RNF157: variants seen among roughly 807,000 people sequenced by gnomAD.
RNF157 encodes E3 ubiquitin ligase RNF157.
A neutral mutation model predicts 88.3 loss-of-function variants in RNF157; 55 were observed. That is an observed-to-expected ratio of 0.62 (90% confidence interval 0.50 to 0.78). The LOEUF (loss-of-function observed/expected upper bound fraction) is 0.78. Ranked by LOEUF, RNF157 falls within the 30% of genes least tolerant of loss-of-function variation. The pLI, the probability that RNF157 is intolerant of heterozygous loss-of-function variation, is 0.00. For synonymous variants in RNF157, 334 were observed against 341.2 expected, an observed-to-expected ratio of 0.98 and a Z score of 0.23; for missense variants, 788 against 860.8, an observed-to-expected ratio of 0.92 and a Z score of 1.06.
chr17:76,149,981 C>T (rs1048086652), intron 18 of RNF157, among the ~76,000 whole-genome samples: 5 of 151,814 alleles, frequency 3.3e-5, no homozygotes, highest in Admixed American at 6.6e-5. Context: ...TGCAGTGAGC[C>T]GAGATCGCGC....
At chr17:76,231,937 G>A (rs895101796) in intron 1 of RNF157, among the ~76,000 whole-genome samples, 2 of 152,122 alleles carry the variant, frequency 1.3e-5, no homozygotes, top group South Asian at 4.1e-4. Flanking sequence ...ACACTATTCT[G>A]CTTTCTATCT....
At chr17:76,154,933 C>T (rs1328916813) in intron 16 of RNF157, among the ~76,000 whole-genome samples, 1 of 152,196 alleles carries the variant, frequency 6.6e-6, no homozygotes, top group Non-Finnish European at 1.5e-5. Flanking sequence ...ACCTGTGACA[C>T]AGTCCTCCAT....
At chr17:76,187,760 AT>A (rs1448653119) in intron 2 of RNF157, among the ~76,000 whole-genome samples, 3 of 151,770 alleles carry the variant, frequency 2.0e-5, no homozygotes, top group Non-Finnish European at 4.4e-5. Flanking sequence ...CATCCAGCTA[AT>A]TTGTTTTGTA....
chr17:76,222,698 C>CA (rs1485944485), intron 1 of RNF157, among the ~76,000 whole-genome samples: 1 of 152,068 alleles, frequency 6.6e-6, no homozygotes, highest in Non-Finnish European at 1.5e-5. Flanking sequence ...TAAGAAACAG[C>CA]AGAGACCGAG....
intron 1 of RNF157, among the ~76,000 whole-genome samples, chr17:76,227,412 C>T (rs906162940): frequency 6.6e-6 from 1 of 151,808 alleles, no homozygotes; most frequent in African/African-American, 2.4e-5. Flanking sequence ...TGAGTCACTG[C>T]GCCTGGCCTA....
At chr17:76,203,593 C>T (rs143543406) in intron 2 of RNF157, among the ~76,000 whole-genome samples, 1 of 151,092 alleles carries the variant, frequency 6.6e-6, no homozygotes, top group African/African-American at 2.4e-5. Context: ...GTTGGGATTA[C>T]GGGAACCCGC....
chr17:76,145,383 G>T, intron 18 of RNF157, 30 bp from the exon 19 acceptor site: 1 of 1,568,410 alleles, frequency 6.4e-7, no homozygotes, highest in Non-Finnish European at 8.8e-7. Context: ...CATTACAGGA[G>T]CCAGACCTTT....
intron 2 of RNF157, among the ~76,000 whole-genome samples, chr17:76,199,570 TAAA>T (rs34151599): frequency 2.8e-4 from 31 of 110,980 alleles, no homozygotes; most frequent in Admixed American, 4.8e-4. Context: ...AGCTGAAAGT[TAAA>T]AAAAAAAAAA....
intron 2 of RNF157, among the ~76,000 whole-genome samples, chr17:76,175,376 A>T (rs549780073): frequency 1.3e-5 from 2 of 152,338 alleles, no homozygotes; most frequent in South Asian, 4.1e-4. Flanking sequence ...TTACAGGATC[A>T]AAGAGTAAGC....
At chr17:76,203,002 C>CT (rs879632808) in intron 2 of RNF157, among the ~76,000 whole-genome samples, 4 of 151,244 alleles carry the variant, frequency 2.6e-5, no homozygotes, top group Non-Finnish European at 4.4e-5. Flanking sequence ...TAATAGTTAT[C>CT]TTTTTTTTTG....
rs1246322111 is a variant in RNF157, at chr17:76,175,707, T to G, written c.208-1917A>C. On this transcript the variant is annotated intron_variant, in intron 2 of 18. Coordinates refer to ENST00000269391, the MANE Select transcript of RNF157 (RefSeq NM_052916.3). ...TTCTGGAGTAGCAAAGTTAATCATTTTCATTTGTACAGGTACTTGGGCGTT... is the reference window on the plus strand; with the variant it reads ...TTCTGGAGTAGCAAAGTTAATCATTGTCATTTGTACAGGTACTTGGGCGTT... 4.1e-6 allele frequency: 4 copies of G among 966,686 alleles called. No individual in the cohort carries two copies. In the East Asian group the frequency reaches 4.6e-4, roughly 111 times the overall value. The allele number at this position is 966,686 out of a possible 1,614,324, so 59.9% of individuals were successfully genotyped here. A position where few individuals can be genotyped will look rare whatever the true frequency, so the allele number is the denominator to read the frequency against.
chr17:76,206,215 G>A (rs2069679829), intron 2 of RNF157, among the ~76,000 whole-genome samples: 1 of 151,974 alleles, frequency 6.6e-6, no homozygotes, highest in African/African-American at 2.4e-5. Context: ...TGGGCAACAG[G>A]GCAAGACCTT....
chr17:76,164,043 C>T (rs1053244457), intron 8 of RNF157: 2 of 152,278 alleles, frequency 1.3e-5, no homozygotes, highest in South Asian at 4.1e-4. Context: ...CTTTTCTTTG[C>T]ATCTCGAGGA....
intron 1 of RNF157, among the ~76,000 whole-genome samples, chr17:76,232,684 T>C (rs577943555): frequency 9.8e-5 from 15 of 152,356 alleles, no homozygotes; most frequent in African/African-American, 3.4e-4. Context: ...CTTTCCAAAG[T>C]GGCTGTACTA....
chr17:76,167,026 C>T lies in RNF157; in HGVS notation c.544G>A (p.Glu182Lys), dbSNP rs142137513. ...CAGCTCACCTCCTCTTCGGCCCACT[C>T]GGAGGGATCCACGGTGTGGGAGGGC... ...CLPSHTVDPS[E>K]WAEEELGFDL... The change falls in exon 5 of 19, where the codon GAG becomes AAG. Residue 182 changes from glutamate to lysine, a missense_variant. Physicochemically the swap from Glu to Lys is moderately conservative, Grantham distance 56. Coordinates refer to ENST00000269391, the MANE Select transcript of RNF157 (RefSeq NM_052916.3). 71 of 1,610,076 alleles carry T rather than the reference C, an allele frequency of 4.4e-5. No homozygotes were observed. Among genetic ancestry groups the T allele is most frequent in the Middle Eastern group, 3.3e-4 (2 of 6,078 alleles).
At position 76,157,493 on chromosome 17, in the gene RNF157, C is replaced by T. The variant is rs2068785269; in HGVS notation, c.1413+900G>A. Among the ~76,000 whole-genome samples, 1 of 152,252 alleles carries T rather than the reference C, an allele frequency of 6.6e-6. No individual in the cohort carries two copies. Among genetic ancestry groups the T allele is most frequent in the Non-Finnish European group, 1.5e-5 (1 of 68,050 alleles). On this transcript the variant is annotated intron_variant, in intron 13 of 18. Transcript: ENST00000269391. The surrounding 1 kb of genome is among the most constrained non-coding windows in gnomAD (Gnocchi z 5.6). ...TCTTTCTCCATGTCTAAAAAACTTC[C>T]AGGTTTAGCTAAAATGCTATTCCTC...
Position 76,161,800 on chromosome 17 carries a change from C to A in RNF157, c.952+43G>T. 1 of 1,601,318 alleles carries A rather than the reference C, an allele frequency of 6.2e-7. No individual in the cohort carries two copies. ...CAGTGTTTTGTAAATGTCCTCTTGT[C>A]CCCTCTCCCACCCACCAGTCCCCCT... On this transcript the variant is annotated intron_variant, in intron 10 of 18. Coordinates refer to ENST00000269391, the MANE Select transcript of RNF157 (RefSeq NM_052916.3). The surrounding 1 kb of genome is among the most constrained non-coding windows in gnomAD (Gnocchi z 4.6).
intron 16 of RNF157, among the ~76,000 whole-genome samples, 190 bp downstream of exon 16, chr17:76,155,062 A>G (rs1034877586): frequency 2.6e-5 from 4 of 152,212 alleles, no homozygotes; most frequent in African/African-American, 7.2e-5. Flanking sequence ...CACTCACTGG[A>G]CAGTCCACAG....
intron 2 of RNF157, among the ~76,000 whole-genome samples, chr17:76,204,782 C>CTT (rs577037374): frequency 3.6e-5 from 5 of 139,754 alleles, no homozygotes; most frequent in East Asian, 2.1e-4. Flanking sequence ...TTCTTTCTTT[C>CTT]TTTTTTTTTT....
Sources: gnomAD v4.1 joint callset for allele counts (sites outside exome capture counted in the v4.1 genomes callset) on GRCh38, gnomAD v4.1.1 for gene constraint, Gnocchi (gnomAD v3.1) non-coding constraint, MANE v1.5 for transcripts, NCBI Gene and HGNC (gene_info 2026-07-23, HGNC 2026-07-21) for gene names.